RNF150: variants seen among roughly 807,000 people sequenced by gnomAD.
The protein encoded by RNF150 is ring finger protein 150.
A neutral mutation model predicts 39.3 loss-of-function variants in RNF150; 24 were observed. The observed-to-expected ratio is 0.61, with a 90% CI of 0.44 to 0.86. The LOEUF is 0.86. RNF150 is among the 40% of genes least tolerant of loss of function. The pLI is 0.00. For missense variants in RNF150, 502 were observed against 587.8 expected, an observed-to-expected ratio of 0.85 and a Z score of 1.51; for synonymous variants, 255 against 227.3, an observed-to-expected ratio of 1.12 and a Z score of -1.10.
chr4:141,163,596 C>T (rs1727550840), intron 1 of RNF150, among the ~76,000 whole-genome samples: 1 of 152,170 alleles, frequency 6.6e-6, no homozygotes, highest in Non-Finnish European at 1.5e-5. Flanking sequence ...GATGAAGCTT[C>T]CAGAGGAAGG....
rs564762777 is a variant in RNF150 at position 141,108,002 on chromosome 4, A to G, written c.484+24323T>C. On this transcript the variant is annotated intron_variant, in intron 1 of 6. Coordinates refer to ENST00000515673, the MANE Select transcript of RNF150 (RefSeq NM_020724.2). ...TTTTATTACAATTCCAATGGTTCACATTGTATTAACTTCTTCAGTTCTCCC... is the reference window on the plus strand; with the variant it reads ...TTTTATTACAATTCCAATGGTTCACGTTGTATTAACTTCTTCAGTTCTCCC... Among the ~76,000 whole-genome samples the G allele has an allele frequency of 3.9e-5, 6 of 152,290 alleles. No homozygotes were observed. In the East Asian group the frequency reaches 1.2e-3, roughly 29 times the overall value.
rs979187942 is a variant in RNF150, at chr4:141,005,851, G to A, written c.485-37978C>T. 4.6e-5 allele frequency among the ~76,000 whole-genome samples: 6 copies of A among 130,486 alleles called. 1 individual carries two copies. 85.6% of individuals were successfully genotyped at this position (130,486 alleles called of 152,430 possible). ...TGGGAGGCCGAGGCGGGCGGATCAC[G>A]AGGTCAGGAGATCGAGACCATCCCG... On this transcript the variant is annotated intron_variant, in intron 1 of 6. Coordinates refer to ENST00000515673, the MANE Select transcript of RNF150 (RefSeq NM_020724.2).
intron 1 of RNF150, among the ~76,000 whole-genome samples, chr4:141,048,909 C>A (rs1736679911): frequency 6.6e-6 from 1 of 152,194 alleles, no homozygotes; most frequent in South Asian, 2.1e-4. Flanking sequence ...ATACTTCTCT[C>A]ATTGCTAACT....
At chr4:141,018,768 C>T (rs1277968518) in intron 1 of RNF150, among the ~76,000 whole-genome samples, 1 of 151,982 alleles carries the variant, frequency 6.6e-6, no homozygotes, top group Non-Finnish European at 1.5e-5. Flanking sequence ...TTACAAAATG[C>T]CACAAATCAC....
chr4:141,024,562 T>C (rs925461971), intron 1 of RNF150, among the ~76,000 whole-genome samples: 4 of 151,854 alleles, frequency 2.6e-5, no homozygotes. Context: ...AAAAACAAAA[T>C]GAGAAAACAA....
rs762209416 is a variant in RNF150 at position 140,949,310 on chromosome 4, C to G, written c.798G>C (p.Lys266Asn). Residue 266 changes from lysine to asparagine, a missense_variant, in exon 3 of 7, where the codon AAG (lysine) becomes AAC (asparagine). Physicochemically the swap from Lys to Asn is moderately conservative, Grantham distance 94. Transcript: ENST00000515673. ...AAGAGGCTGCTATTACCTTGTCACC[C>G]TTCTTGATGGTCCTGATCTGGAGTT... ...ISKLQIRTIK[K>N]GDKETESDFD... The G allele has an allele frequency of 6.2e-7, 1 of 1,611,910 alleles. No homozygotes were observed. The highest frequency in any genetic ancestry group is 1.1e-5 in the South Asian group (1 of 90,450).
intron 1 of RNF150, among the ~76,000 whole-genome samples, chr4:141,083,800 T>A (rs1165457028): frequency 1.3e-5 from 2 of 152,204 alleles, no homozygotes; most frequent in Non-Finnish European, 2.9e-5. Flanking sequence ...TGACTCAGAT[T>A]CCTTTCTGGG....
intron 4 of RNF150, among the ~76,000 whole-genome samples, chr4:140,935,032 A>T (rs1273137877): frequency 8.6e-4 from 8 of 9,336 alleles, no homozygotes; most frequent in African/African-American, 8.9e-4. Context: ...ATATATTTAT[A>T]ATATATATAT....
At chr4:140,892,709 G>A (rs1019591935) in intron 6 of RNF150, among the ~76,000 whole-genome samples, 16 of 136,312 alleles carry the variant, frequency 1.2e-4, no homozygotes, top group African/African-American at 6.0e-4. Flanking sequence ...GCGACTTCTT[G>A]GCCTCACAAG....
At position 140,861,076 on chromosome 4, in the gene RNF150, T is replaced by C. The variant is rs1728473026; in HGVS notation, c.*7185A>G. The C allele has an allele frequency of 6.6e-6, 1 of 152,090 alleles. No homozygotes were observed. The highest frequency in any genetic ancestry group is 1.9e-4 in the East Asian group (1 of 5,192). The allele number at this position is 152,090 out of a possible 1,614,324, so 9.4% of individuals were successfully genotyped here. A position where few individuals can be genotyped will look rare whatever the true frequency, so the allele number is the denominator to read the frequency against. On this transcript the variant is annotated 3_prime_UTR_variant, in exon 7 of 7. Coordinates refer to ENST00000515673, the MANE Select transcript of RNF150 (RefSeq NM_020724.2). ...CCACTCCCACCCCTACATCTCCTTC[T>C]AATTATAAAATGGTAGAACCATCTC... is the stretch of plus-strand genomic sequence containing the variant.
At chr4:141,056,790 T>C (rs1736990884) in intron 1 of RNF150, among the ~76,000 whole-genome samples, 1 of 152,092 alleles carries the variant, frequency 6.6e-6, no homozygotes, top group African/African-American at 2.4e-5. Flanking sequence ...GGTTAGAGAA[T>C]CACGGCTTAT....
At chr4:140,959,965 T>C (rs1732951066) in intron 2 of RNF150, among the ~76,000 whole-genome samples, 1 of 152,162 alleles carries the variant, frequency 6.6e-6, no homozygotes, top group Non-Finnish European at 1.5e-5. Flanking sequence ...TAGTGTCATC[T>C]GTATTCTGAT....
intron 4 of RNF150, among the ~76,000 whole-genome samples, chr4:140,942,756 C>A (rs1419625790): frequency 6.6e-6 from 1 of 152,156 alleles, no homozygotes; most frequent in African/African-American, 2.4e-5. Flanking sequence ...AGATATGGAG[C>A]ATTTTGGATT....
At chr4:141,074,169 G>A (rs577282612) in intron 1 of RNF150, among the ~76,000 whole-genome samples, 2 of 152,172 alleles carry the variant, frequency 1.3e-5, no homozygotes, top group Admixed American at 6.6e-5. Context: ...TTCAGTCACA[G>A]AAGTGGCTGA....
At chr4:140,905,108 C>T (rs975392923) in intron 6 of RNF150, among the ~76,000 whole-genome samples, 3 of 152,096 alleles carry the variant, frequency 2.0e-5, no homozygotes, top group Non-Finnish European at 2.9e-5. Context: ...CAGTGGTAGG[C>T]GTCAGAGCTG....
At chr4:141,079,539 T>G (rs769308418) in intron 1 of RNF150, among the ~76,000 whole-genome samples, 2 of 152,202 alleles carry the variant, frequency 1.3e-5, no homozygotes, top group African/African-American at 4.8e-5. Context: ...AAAAATAATA[T>G]GTAAGGTGCT....
intron 5 of RNF150, among the ~76,000 whole-genome samples, chr4:140,915,203 G>A (rs889229993): frequency 6.6e-6 from 1 of 152,186 alleles, no homozygotes; most frequent in African/African-American, 2.4e-5. Context: ...ATCAGAGAGT[G>A]AAAAGCTCTT....
chr4:141,023,421 T>TA (rs537784821), intron 1 of RNF150, among the ~76,000 whole-genome samples: 4 of 34,902 alleles, frequency 1.1e-4, no homozygotes, highest in Admixed American at 2.4e-4. Flanking sequence ...ACTTTTCATA[T>TA]TTTTTTTTTT....
chr4:141,135,386 A>G (rs1324518568), upstream of RNF150, among the ~76,000 whole-genome samples: 1 of 152,240 alleles, frequency 6.6e-6, no homozygotes, highest in Non-Finnish European at 1.5e-5. Context: ...CTGGGAAAGT[A>G]CAGAGTGAGC....
Sources: gnomAD v4.1 joint callset for allele counts (sites outside exome capture counted in the v4.1 genomes callset) on GRCh38, gnomAD v4.1.1 for gene constraint, MANE v1.5 for transcripts, NCBI Gene and HGNC (gene_info 2026-07-23, HGNC 2026-07-21) for gene names.